FREM1: variants seen among roughly 807,000 people sequenced by gnomAD.
FREM1 encodes FRAS1-related extracellular matrix protein 1.
FREM1 carries 220 observed loss-of-function variants against 210.1 expected under a neutral mutation model. The observed-to-expected ratio is 1.05, with a 90% CI of 0.94 to 1.17. The LOEUF (loss-of-function observed/expected upper bound fraction) is 1.17, where lower values mean the gene tolerates loss of function less well. Among genes scored for constraint, FREM1 ranks in the 50% most tolerant of loss-of-function variants. The pLI, the probability that FREM1 is intolerant of heterozygous loss-of-function variation, is 0.00. For missense variants in FREM1, 3,454 were observed against 2,675.5 expected (o/e 1.29, Z -6.42); for synonymous variants, 1,189 against 980.2 (o/e 1.21, Z -3.98).
At chr9:14,872,675 A>C (rs1262401957) in intron 1 of FREM1, among the ~76,000 whole-genome samples, 60 of 149,912 alleles carry the variant, frequency 4.0e-4, no homozygotes, top group African/African-American at 9.3e-4. Flanking sequence ...TCTCCTGCCT[A>C]ATTGCCCTGG....
chr9:14,877,867 T>C (rs149028187), intron 1 of FREM1, among the ~76,000 whole-genome samples: 2 of 152,334 alleles, frequency 1.3e-5, no homozygotes, highest in East Asian at 1.9e-4. Flanking sequence ...GATAAATTTG[T>C]ATTGTTTTAA....
intron 15 of FREM1, among the ~76,000 whole-genome samples, chr9:14,815,266 C>T (rs1416545010): frequency 6.6e-6 from 1 of 152,138 alleles, no homozygotes; most frequent in Non-Finnish European, 1.5e-5. Context: ...ACTACACTGT[C>T]TAGTCAATGA....
At chr9:14,776,361 A>G in intron 24 of FREM1, 158 bp from the exon 25 acceptor site, 1 of 744,372 alleles carries the variant, frequency 1.3e-6, no homozygotes, top group Non-Finnish European at 2.0e-6. Flanking sequence ...CCCTATCATT[A>G]AACCAGTCAC....
At chr9:14,762,486 G>C (rs760716117) in intron 27 of FREM1, among the ~76,000 whole-genome samples, 3 of 152,176 alleles carry the variant, frequency 2.0e-5, no homozygotes, top group Non-Finnish European at 4.4e-5. Context: ...TCAGAGGGCT[G>C]TTCAGCTTCA....
At chr9:14,769,576 T>C (rs1021302712) in intron 27 of FREM1, 148 bp downstream of exon 27, 2 of 840,044 alleles carry the variant, frequency 2.4e-6, no homozygotes, top group Non-Finnish European at 1.8e-6. Flanking sequence ...AGAAAATTCA[T>C]TCTCCAAAAT....
chr9:14,779,991 T>C (rs957363419), intron 24 of FREM1, among the ~76,000 whole-genome samples: 2 of 152,102 alleles, frequency 1.3e-5, no homozygotes, highest in African/African-American at 2.4e-5. Context: ...CCAGTCAAAA[T>C]AAAGCTAGCA....
In FREM1 at chr9:14,817,891, T is replaced by C. The variant is rs116301888; in HGVS notation, c.2547-1020A>G. Among the ~76,000 whole-genome samples, 853 of 152,238 alleles carry C rather than the reference T, an allele frequency of 5.6e-3. 11 individuals are homozygous for C. The highest frequency in any genetic ancestry group is 0.019 in the African/African-American group (779 of 41,520). ...CCCTGCAATTTTCATCAAAACTATATTGGTGAGTGATAATTCTTTTTTACT... is the reference window on the plus strand; with the variant it reads ...CCCTGCAATTTTCATCAAAACTATACTGGTGAGTGATAATTCTTTTTTACT... On this transcript the variant is annotated intron_variant, in intron 14 of 36. Transcript: ENST00000380880.
At chr9:14,905,971 T>C (rs1051391969) in intron 1 of FREM1, among the ~76,000 whole-genome samples, 1 of 152,102 alleles carries the variant, frequency 6.6e-6, no homozygotes, top group Admixed American at 6.6e-5. Flanking sequence ...GAGTGGTGGG[T>C]TGAGATCTGT....
In FREM1 at chr9:14,861,210, T is replaced by TATATAC. The variant is rs1564107116; in HGVS notation, c.330-1727_330-1726insGTATAT. On this transcript the variant is annotated intron_variant, in intron 3 of 36. Transcript: ENST00000380880. ...ACATATATACATATATACACACATA[T>TATATAC]ACATATATACACATATATACACATA... Among the ~76,000 whole-genome samples the TATATAC allele has an allele frequency of 3.1e-3, 244 of 79,952 alleles. 15 individuals are homozygous for TATATAC. Among genetic ancestry groups the TATATAC allele is most frequent in the African/African-American group, 0.012 (202 of 16,754 alleles). The allele number at this position is 79,952 out of a possible 152,430, so 52.5% of individuals were successfully genotyped here. A position where few individuals can be genotyped will look rare whatever the true frequency, so the allele number is the denominator to read the frequency against.
intron 25 of FREM1, among the ~76,000 whole-genome samples, chr9:14,774,944 A>G (rs1367208290): frequency 6.6e-6 from 1 of 152,204 alleles, no homozygotes; most frequent in East Asian, 1.9e-4. Flanking sequence ...ATGAGAATCA[A>G]ATAAGATTTA....
rs1362017863 is a variant in FREM1 at position 14,737,517 on chromosome 9, C to T, written c.6419G>A (p.Gly2140Glu). 4 of 1,612,464 alleles carry T rather than the reference C, an allele frequency of 2.5e-6. No individual in the cohort carries two copies. The highest frequency in any genetic ancestry group is 1.7e-5 in the Admixed American group (1 of 59,864). Residue 2140 changes from glycine to glutamate, a missense_variant, in exon 37 of 37, where the codon GGG (glycine) becomes GAG (glutamate). By Grantham distance (98) the Gly-to-Glu change is moderately conservative (BLOSUM62 -2). Coordinates refer to ENST00000380880, the MANE Select transcript of FREM1 (RefSeq NM_001379081.2). Reference sequence around the variant, plus strand: ...TCCAAGCTTGGAGCGTTGAGAGGGCCCTCTTCTCCCATTGGTGAAGGCAAC... The same window carrying T: ...TCCAAGCTTGGAGCGTTGAGAGGGCTCTCTTCTCCCATTGGTGAAGGCAAC... ...EPVAFTNGRR[G>E]PSQRSKLGKS...
rs754857691 is a variant in FREM1 at position 14,856,835 on chromosome 9, C to CAAA, written c.828+715_828+717dup. 6.6e-3 allele frequency among the ~76,000 whole-genome samples: 519 copies of CAAA among 78,066 alleles called. 2 individuals carry two copies. Among genetic ancestry groups the CAAA allele is most frequent in the African/African-American group, 0.022 (481 of 22,134 alleles). 51.2% of individuals were successfully genotyped at this position (78,066 alleles called of 152,430 possible). A position where few individuals can be genotyped will look rare whatever the true frequency, so the allele number is the denominator to read the frequency against. On this transcript the variant is annotated intron_variant, in intron 5 of 36. Coordinates refer to ENST00000380880, the MANE Select transcript of FREM1 (RefSeq NM_001379081.2). ...TGGGCGACAGAGCGAGACTCCGTCT[C>CAAA]AAAAAAAAAAAAAAAAAAAAATCTC...
At chr9:14,849,773 T>C (rs1394348743) in intron 6 of FREM1, among the ~76,000 whole-genome samples, 1 of 152,126 alleles carries the variant, frequency 6.6e-6, no homozygotes, top group Non-Finnish European at 1.5e-5. Context: ...TGAGAGTTAC[T>C]GTCTAACGAA....
chr9:14,762,332 T>C (rs1845645946), intron 27 of FREM1, among the ~76,000 whole-genome samples: 1 of 152,240 alleles, frequency 6.6e-6, no homozygotes, highest in Non-Finnish European at 1.5e-5. Context: ...AGTTTCAATG[T>C]CCAATTCTTC....
intron 36 of FREM1, among the ~76,000 whole-genome samples, chr9:14,739,506 A>AAT (rs1349046710): frequency 7.7e-5 from 11 of 142,360 alleles, no homozygotes; most frequent in Non-Finnish European, 1.2e-4. Flanking sequence ...TATATATATG[A>AAT]ATATATGTAT....
At chr9:14,776,509 A>G (rs190978588) in intron 24 of FREM1, among the ~76,000 whole-genome samples, 42 of 152,306 alleles carry the variant, frequency 2.8e-4, no homozygotes, top group African/African-American at 1.0e-3. Flanking sequence ...TGGTTCCTTG[A>G]CGCAAATAAA....
At chr9:14,822,021 T>C (rs1821446530) in intron 13 of FREM1, among the ~76,000 whole-genome samples, 1 of 152,110 alleles carries the variant, frequency 6.6e-6, no homozygotes, top group African/African-American at 2.4e-5. Flanking sequence ...ATAGGGGCAG[T>C]TTCCCCCATA....
At chr9:14,858,834 C>T (rs1169061690) in intron 4 of FREM1, among the ~76,000 whole-genome samples, 3 of 152,134 alleles carry the variant, frequency 2.0e-5, no homozygotes, top group African/African-American at 7.2e-5. Flanking sequence ...TAACAGCTGA[C>T]AATGAGTACC....
intron 20 of FREM1, among the ~76,000 whole-genome samples, chr9:14,799,253 T>A (rs1853061395): frequency 6.7e-6 from 1 of 148,992 alleles, no homozygotes; most frequent in Non-Finnish European, 1.5e-5. Context: ...ACAACCACAA[T>A]CCAGCCTAAG....
Sources: gnomAD v4.1 joint callset for allele counts (sites outside exome capture counted in the v4.1 genomes callset) on GRCh38, gnomAD v4.1.1 for gene constraint, MANE v1.5 for transcripts, NCBI Gene and HGNC (gene_info 2026-07-23, HGNC 2026-07-21) for gene names.